PALB2: variants seen among roughly 807,000 people sequenced by gnomAD.
PALB2 encodes partner and localizer of BRCA2, also known as mutant partner and localizer of BRCA2.
A neutral mutation model predicts 107.4 loss-of-function variants in PALB2; 82 were observed. The ratio of observed to expected loss-of-function variants is 0.76; its 90% CI spans 0.64 to 0.92. The LOEUF (loss-of-function observed/expected upper bound fraction) is 0.92. Ranked by LOEUF, PALB2 falls within the 40% of genes least tolerant of loss-of-function variation. PALB2 has a pLI of 0.00. For synonymous variants in PALB2, 489 were observed against 496.8 expected, an observed-to-expected ratio of 0.98 and a Z score of 0.21; for missense variants, 1,374 against 1,379.9, an observed-to-expected ratio of 1.00 and a Z score of 0.07.
chr16:23,627,630 G>C (rs1438908256), intron 6 of PALB2, among the ~76,000 whole-genome samples: 3 of 151,900 alleles, frequency 2.0e-5, no homozygotes, highest in East Asian at 3.8e-4. Flanking sequence ...AAGTAGGAAG[G>C]AATGATTTAC....
chr16:23,638,037 T>C, intron 2 of PALB2, 33 bp downstream of exon 2: 2 of 1,608,092 alleles, frequency 1.2e-6, no homozygotes, highest in Non-Finnish European at 1.7e-6. Context: ...GTTTGTACTA[T>C]AACACCTTAA....
Position 23,626,356 on chromosome 16 carries a change from A to C in PALB2, c.2628T>G (p.Phe876Leu), listed in dbSNP as rs876659584. The part of the protein sequence containing the change: ...GSCSVDVSAM[F>L]WERAGCKEPC... ...GCTCTTTACAACCGGCTCTTTCCCA[A>C]AACATGGCACTCACATCTACGGAAC... The change falls in exon 7 of 13, where the codon TTT (phenylalanine) becomes TTG (leucine). Residue 876 changes from phenylalanine to leucine, a missense_variant. Coordinates refer to ENST00000261584, the MANE Select transcript of PALB2 (RefSeq NM_024675.4). 6.2e-7 allele frequency: 1 copy of C among 1,614,226 alleles called. No individual in the cohort carries two copies. Among genetic ancestry groups the C allele is most frequent in the South Asian group, 1.1e-5 (1 of 91,090 alleles).
intron 10 of PALB2, among the ~76,000 whole-genome samples, chr16:23,614,495 A>G (rs1346143408): frequency 2.0e-5 from 3 of 152,166 alleles, no homozygotes; most frequent in African/African-American, 7.2e-5. Flanking sequence ...GACTACACCT[A>G]AAAGAGAGTT....
rs3809683 is a variant in PALB2, at chr16:23,635,621, T to C, written c.925A>G (p.Ile309Val). 2,852 of 1,614,148 alleles carry C rather than the reference T, an allele frequency of 1.8e-3. 40 individuals are homozygous for C. The African/African-American group carries it at 0.029, about 16-fold the overall frequency. The change falls in exon 4 of 13, where the codon ATA (isoleucine) becomes GTA (valine). Residue 309 changes from isoleucine (I) to valine (V), a missense_variant. Ile to Val is a conservative substitution (Grantham distance 29). Transcript: ENST00000261584. ...STDNLLVNKA[I>V]SKSGQLPTSS... ...GTGGGCAGTTGGCCACTTTTACTTATAGCTTTATTTACAAGGAGGTTATCT... is the reference window on the plus strand; with the variant it reads ...GTGGGCAGTTGGCCACTTTTACTTACAGCTTTATTTACAAGGAGGTTATCT...
intron 4 of PALB2, among the ~76,000 whole-genome samples, chr16:23,632,466 C>T (rs1159744713): frequency 2.0e-5 from 3 of 152,040 alleles, no homozygotes; most frequent in Non-Finnish European, 2.9e-5. Context: ...ACCCATTATG[C>T]TGAGCAGCCA....
chr16:23,627,379 C>T (rs71539273), intron 6 of PALB2, among the ~76,000 whole-genome samples: 9 of 150,316 alleles, frequency 6.0e-5, no homozygotes, highest in African/African-American at 2.0e-4. Context: ...CCCAGCTACT[C>T]GGGAGGCTGA....
Position 23,625,468 on chromosome 16 carries a change from C to T in PALB2, c.2748+768G>A, listed in dbSNP as rs1966840673. On this transcript the variant is annotated intron_variant, in intron 7 of 12. Coordinates refer to ENST00000261584, the MANE Select transcript of PALB2 (RefSeq NM_024675.4). ...ATGGCTTAAGCCCAGGAGTTCAAGA[C>T]CAGCCCAGGCGACATGGCAAAACCC... 2.0e-5 allele frequency among the ~76,000 whole-genome samples: 3 copies of T among 151,814 alleles called. No homozygotes were observed. In the South Asian group the frequency reaches 6.2e-4, roughly 32 times the overall value.
rs545771343 is a variant in PALB2, at chr16:23,634,623, GC to G, written c.1684+238del. On this transcript the variant is annotated intron_variant, in intron 4 of 12. Transcript: ENST00000261584. ...GGCACTCCAGCCTGGACAACAGTGA[GC>G]CCCTGTCTCTTTATTTTTATTTATT... 0.011 allele frequency among the ~76,000 whole-genome samples: 1,595 copies of G among 151,704 alleles called. 27 individuals are homozygous for G. Among genetic ancestry groups the G allele is most frequent in the African/African-American group, 0.037 (1,516 of 41,348 alleles).
At chr16:23,613,489 C>A (rs530863637) in intron 11 of PALB2, among the ~76,000 whole-genome samples, 71 of 152,022 alleles carry the variant, frequency 4.7e-4, no homozygotes, top group Admixed American at 7.9e-4. Flanking sequence ...ACTAAAAATA[C>A]AAAAATTAGC....
chr16:23,632,026 T>C (rs922386196), intron 4 of PALB2, among the ~76,000 whole-genome samples: 6 of 152,186 alleles, frequency 3.9e-5, no homozygotes, highest in Non-Finnish European at 8.8e-5. Flanking sequence ...TTCAAAATGT[T>C]GCTATATCCT....
At position 23,635,857 on chromosome 16, in the gene PALB2, T is replaced by G. The variant is rs1567222506; in HGVS notation, c.689A>C (p.Glu230Ala). The change falls in exon 4 of 13, where the codon GAA becomes GCA. Residue 230 changes from glutamate to alanine, a missense_variant. Coordinates refer to ENST00000261584, the MANE Select transcript of PALB2 (RefSeq NM_024675.4). ...TCTTAGGAATGTATCAACACCTTTT[T>G]CTGGTTGGGCAGTTGGTGGAATTAA... ...SVLIPPTAQP[E>A]KGVDTFLRRP... 1 of 1,614,166 alleles carries G rather than the reference T, an allele frequency of 6.2e-7. No homozygotes were observed. The highest frequency in any genetic ancestry group is 2.2e-5 in the East Asian group (1 of 44,876).
chr16:23,624,301 C>T (rs1286909315), intron 7 of PALB2, among the ~76,000 whole-genome samples: 1 of 152,106 alleles, frequency 6.6e-6, no homozygotes, highest in African/African-American at 2.4e-5. Flanking sequence ...GAGCATTTAC[C>T]TAATGCAAGG....
chr16:23,635,884 A>T lies in PALB2; in HGVS notation c.662T>A (p.Val221Glu), dbSNP rs1967030851. 1.2e-6 allele frequency: 2 copies of T among 1,614,158 alleles called. No individual in the cohort carries two copies. The highest frequency in any genetic ancestry group is 1.7e-6 in the Non-Finnish European group (2 of 1,180,008). The change falls in exon 4 of 13, where the codon GTA (valine) becomes GAA (glutamate). Residue 221 changes from valine (V) to glutamate (E), a missense_variant. Val to Glu is a moderately radical substitution (Grantham distance 121). Transcript: ENST00000261584. The part of the protein sequence containing the change: ...EPVTEINEDS[V>E]LIPPTAQPEK... ...TGGTTGGGCAGTTGGTGGAATTAATACACTGTCTTCATTAATTTCTGTAAC... is the reference window on the plus strand; with the variant it reads ...TGGTTGGGCAGTTGGTGGAATTAATTCACTGTCTTCATTAATTTCTGTAAC...
At chr16:23,620,484 G>C (rs1353344985) in intron 10 of PALB2, among the ~76,000 whole-genome samples, 1 of 152,108 alleles carries the variant, frequency 6.6e-6, no homozygotes, top group African/African-American at 2.4e-5. Flanking sequence ...GTTGCCTAGT[G>C]CCATTCCCTT....
intron 11 of PALB2, among the ~76,000 whole-genome samples, chr16:23,610,309 C>CTT (rs200742073): frequency 2.0e-4 from 27 of 133,742 alleles, no homozygotes; most frequent in Non-Finnish European, 2.6e-4. Context: ...AATGTTATTT[C>CTT]TTTTTTTTTT....
Position 23,637,893 on chromosome 16 carries a change from A to G in PALB2, c.168T>C (p.Asp56=), listed in dbSNP as rs1203135643. The G allele has an allele frequency of 6.2e-7, 1 of 1,614,034 alleles. No homozygotes were observed. Among genetic ancestry groups the G allele is most frequent in the Admixed American group, 1.7e-5 (1 of 59,998 alleles). ...GTGAGAGATCCTGCTGAGACAAACA[A>G]TCTTGTTCTTCTACTGTTTTCTTAA... ...HSIKKTVEEQ[D]CLSQQDLSPQ... is the part of the protein sequence containing the mutation. The change falls in exon 3 of 13, where the codon GAT becomes GAC. Residue 56 remains aspartate, a synonymous_variant. Transcript: ENST00000261584.
At chr16:23,607,556 A>G (rs532105367) in intron 12 of PALB2, among the ~76,000 whole-genome samples, 42 of 151,972 alleles carry the variant, frequency 2.8e-4, no homozygotes, top group African/African-American at 9.7e-4. Flanking sequence ...TTGACCTCCC[A>G]AAGTGCTGGG....
Position 23,629,891 on chromosome 16 carries a change from A to G in PALB2, c.2263T>C (p.Cys755Arg), listed in dbSNP as rs1060502794. The change falls in exon 5 of 13, where the codon TGC (cysteine) becomes CGC (arginine). Residue 755 changes from cysteine to arginine, a missense_variant. Transcript: ENST00000261584. ...AAATGAGCAAGTTGGGGTGTGCAGC[A>G]AGTTCGTCCAGCAACTTCTGTAGAT... ...KASTEVAGRTCCTPQLAHLKD... is the reference protein window; with the variant it reads ...KASTEVAGRTRCTPQLAHLKD... 6.2e-7 allele frequency: 1 copy of G among 1,614,202 alleles called. No individual in the cohort carries two copies. Among genetic ancestry groups the G allele is most frequent in the East Asian group, 2.2e-5 (1 of 44,888 alleles).
Position 23,641,099 on chromosome 16 carries a change from A to C in PALB2, c.48+11T>G. The C allele has an allele frequency of 6.2e-7, 1 of 1,612,478 alleles. No homozygotes were observed. The highest frequency in any genetic ancestry group is 8.5e-7 in the Non-Finnish European group (1 of 1,179,524). Reference sequence around the variant, plus strand: ...AGAGTCCTGCGTCCGCCCTTCCCGCACCCCCGGCACCTTTTCCTTCTCCTC... The same window carrying C: ...AGAGTCCTGCGTCCGCCCTTCCCGCCCCCCCGGCACCTTTTCCTTCTCCTC... On this transcript the variant is annotated intron_variant, in intron 1 of 12. Transcript: ENST00000261584.
Sources: gnomAD v4.1 joint callset for allele counts (sites outside exome capture counted in the v4.1 genomes callset) on GRCh38, gnomAD v4.1.1 for gene constraint, MANE v1.5 for transcripts, NCBI Gene and HGNC (gene_info 2026-07-23, HGNC 2026-07-21) for gene names.